KRAS: variants seen among roughly 807,000 people sequenced by gnomAD.
The protein encoded by KRAS is KRas proto-oncogene, GTPase.
Under a neutral mutation model 21.0 loss-of-function variants are expected in KRAS, and 1 was observed. The ratio of observed to expected loss-of-function variants is 0.05; its 90% CI spans 0.02 to 0.23. KRAS has a LOEUF of 0.23. Ranked by LOEUF, KRAS falls within the 10% of genes least tolerant of loss-of-function variation. The probability of loss-of-function intolerance (pLI) is 1.00; values close to 1 mark genes in which losing one functional copy is unlikely to be tolerated. For synonymous variants in KRAS, 67 were observed against 72.5 expected, an observed-to-expected ratio of 0.92 and a Z score of 0.39; for missense variants, 107 against 221.8, an observed-to-expected ratio of 0.48 and a Z score of 3.29.
intron 4 of KRAS, among the ~76,000 whole-genome samples, chr12:25,216,761 T>C (rs535607737): frequency 1.3e-5 from 2 of 152,266 alleles, no homozygotes; most frequent in South Asian, 4.1e-4. Flanking sequence ...ATCTAGAAAA[T>C]TAGGCAGTCA....
chr12:25,247,164 A>G (rs1011413104), intron 1 of KRAS, among the ~76,000 whole-genome samples: 2 of 152,216 alleles, frequency 1.3e-5, no homozygotes, highest in East Asian at 1.9e-4. Context: ...AGAAATGCAG[A>G]AAAAAATGGG....
intron 4 of KRAS, among the ~76,000 whole-genome samples, chr12:25,214,401 T>C (rs1365700849): frequency 6.6e-6 from 1 of 151,784 alleles, no homozygotes; most frequent in Non-Finnish European, 1.5e-5. Flanking sequence ...TTTTTTTTTT[T>C]TTTGAGACAG....
At chr12:25,239,025 C>T (rs1408531733) in intron 2 of KRAS, among the ~76,000 whole-genome samples, 2 of 152,216 alleles carry the variant, frequency 1.3e-5, no homozygotes, top group Non-Finnish European at 2.9e-5. Flanking sequence ...CAGTGCAAGG[C>T]GCACACTTCT....
intron 4 of KRAS, chr12:25,225,383 A>C: frequency 3.0e-6 from 1 of 328,284 alleles, no homozygotes; most frequent in Non-Finnish European, 5.8e-6. Flanking sequence ...CTAAATGTTA[A>C]CATGTGCTCA....
Position 25,228,787 on chromosome 12 carries a change from G to A in KRAS, c.112-1375C>T, listed in dbSNP as rs1000064955. On this transcript the variant is annotated intron_variant, in intron 2 of 4. Coordinates refer to ENST00000311936, the MANE Select transcript of KRAS (RefSeq NM_004985.5). ...TAAAATTAACTACCATGGTCTAGGC[G>A]CGGTGGCTCACACTTGCAATCCCAA... 3.3e-5 allele frequency among the ~76,000 whole-genome samples: 5 copies of A among 152,286 alleles called. No individual in the cohort carries two copies. The South Asian group carries it at 6.2e-4, about 19-fold the overall frequency.
At chr12:25,211,838 C>A (rs1036643507) in intron 4 of KRAS, among the ~76,000 whole-genome samples, 3 of 152,142 alleles carry the variant, frequency 2.0e-5, no homozygotes. Context: ...TAGTGAAAGT[C>A]TCCAATAAAG....
chr12:25,231,868 C>T (rs1021167899), intron 2 of KRAS, among the ~76,000 whole-genome samples: 1 of 152,074 alleles, frequency 6.6e-6, no homozygotes, highest in Non-Finnish European at 1.5e-5. Flanking sequence ...GAAATACGAT[C>T]TAAAAAGAAT....
At chr12:25,223,917 A>C (rs963526905) in intron 4 of KRAS, among the ~76,000 whole-genome samples, 1 of 152,150 alleles carries the variant, frequency 6.6e-6, no homozygotes, top group Non-Finnish European at 1.5e-5. Context: ...TGGAATATAG[A>C]TGGATCAATT....
intron 1 of KRAS, among the ~76,000 whole-genome samples, chr12:25,249,591 C>CAAACAAAAAAAAA (rs1951737315): frequency 1.6e-5 from 1 of 60,822 alleles, no homozygotes; most frequent in Non-Finnish European, 2.9e-5. Flanking sequence ...GACTGTGTCT[C>CAAACAAAAAAAAA]AAAAAAAAAA....
At chr12:25,218,893 A>G (rs965829583) in intron 4 of KRAS, among the ~76,000 whole-genome samples, 1 of 151,654 alleles carries the variant, frequency 6.6e-6, no homozygotes, top group African/African-American at 2.4e-5. Flanking sequence ...TTGTTGCCAC[A>G]TATACTCATT....
chr12:25,225,877 T>C (rs564457624), intron 3 of KRAS, 104 bp from the exon 4 acceptor site: 3 of 1,066,500 alleles, frequency 2.8e-6, no homozygotes, highest in South Asian at 1.4e-5. Context: ...GAAAACAATG[T>C]AATTCCTAGT....
chr12:25,232,880 A>T (rs2141520077), intron 2 of KRAS, among the ~76,000 whole-genome samples: 1 of 152,366 alleles, frequency 6.6e-6, no homozygotes, highest in South Asian at 2.1e-4. Flanking sequence ...TTTGGAAAGC[A>T]ATTACAGTAT....
chr12:25,234,586 G>A (rs990225633), intron 2 of KRAS: 3 of 187,128 alleles, frequency 1.6e-5, no homozygotes, highest in Non-Finnish European at 3.4e-5. Context: ...TATCGCCAAC[G>A]TGTGTCCTTT....
At chr12:25,231,033 C>T (rs1164439015) in intron 2 of KRAS, among the ~76,000 whole-genome samples, 1 of 150,774 alleles carries the variant, frequency 6.6e-6, no homozygotes, top group African/African-American at 2.4e-5. Context: ...CCAGGCATGG[C>T]TACAGAGCAT....
At chr12:25,226,869 T>C (rs1951400019) in intron 3 of KRAS, among the ~76,000 whole-genome samples, 1 of 152,214 alleles carries the variant, frequency 6.6e-6, no homozygotes, top group Non-Finnish European at 1.5e-5. Flanking sequence ...CTTTTAAGAC[T>C]GTTAAAGTGA....
intron 2 of KRAS, among the ~76,000 whole-genome samples, chr12:25,230,632 A>G (rs1035105700): frequency 6.6e-6 from 1 of 152,206 alleles, no homozygotes; most frequent in Non-Finnish European, 1.5e-5. Flanking sequence ...CTGTCCCAAA[A>G]AAGACATTTA....
intron 4 of KRAS, 142 bp from the exon 5 acceptor site, chr12:25,210,053 T>A: frequency 1.8e-6 from 1 of 546,526 alleles, no homozygotes. Context: ...TTACATATAT[T>A]AGGACTTTTA....
At chr12:25,239,612 T>C (rs1951585765) in intron 2 of KRAS, among the ~76,000 whole-genome samples, 1 of 151,920 alleles carries the variant, frequency 6.6e-6, no homozygotes, top group South Asian at 2.1e-4. Flanking sequence ...AGAACCAGGG[T>C]TCTCACTGCG....
chr12:25,248,376 A>G (rs1158149019), intron 1 of KRAS, among the ~76,000 whole-genome samples: 7 of 140,484 alleles, frequency 5.0e-5, no homozygotes, highest in African/African-American at 7.7e-5. Flanking sequence ...CTTGAGCCTG[A>G]GAGTCGGAGG....
Sources: gnomAD v4.1 joint callset for allele counts (sites outside exome capture counted in the v4.1 genomes callset) on GRCh38, gnomAD v4.1.1 for gene constraint, MANE v1.5 for transcripts, NCBI Gene and HGNC (gene_info 2026-07-23, HGNC 2026-07-21) for gene names.